Variants in CNTN3 observed in about 807,000 individuals in gnomAD.
CNTN3 encodes the protein contactin-3.
CNTN3 carries 60 observed loss-of-function variants against 119.1 expected under a neutral mutation model. That is an observed-to-expected ratio of 0.50 (90% CI 0.41 to 0.62). The LOEUF (loss-of-function observed/expected upper bound fraction) is 0.62, where lower values mean the gene tolerates loss of function less well. Among genes scored for constraint, CNTN3 ranks in the 20% least tolerant of loss-of-function variants. The probability of loss-of-function intolerance (pLI) is 0.00; values close to 1 mark genes in which losing one functional copy is unlikely to be tolerated. For synonymous variants in CNTN3, 450 were observed against 438.7 expected (o/e 1.03, Z -0.32); for missense variants, 1,101 against 1,242.4 (o/e 0.89, Z 1.71).
intron 11 of CNTN3, among the ~76,000 whole-genome samples, chr3:74,344,397 G>T (rs2634154): frequency 0.52 from 17,072 of 32,566 alleles, 4,924 homozygotes; most frequent in South Asian, 0.78. Context: ...TTACACAGTG[G>T]TTTTTTTTTT....
intron 5 of CNTN3, among the ~76,000 whole-genome samples, chr3:74,407,048 A>G (rs1210320532): frequency 6.6e-6 from 1 of 152,156 alleles, no homozygotes; most frequent in African/African-American, 2.4e-5. Context: ...GTATAGAATA[A>G]TGTGGCAGAA....
At chr3:74,502,706 CTTTT>C (rs1432609228) in intron 2 of CNTN3, among the ~76,000 whole-genome samples, 1 of 152,054 alleles carries the variant, frequency 6.6e-6, no homozygotes, top group African/African-American at 2.4e-5. Context: ...GTTCTGGTTT[CTTTT>C]TGTCATTCAG....
At chr3:74,418,944 C>A (rs542843494) in intron 5 of CNTN3, among the ~76,000 whole-genome samples, 95 of 151,506 alleles carry the variant, frequency 6.3e-4, no homozygotes, top group African/African-American at 2.2e-3. Context: ...GCACGCACCA[C>A]CATGCCTGGA....
chr3:74,314,602 A>C, intron 13 of CNTN3, among the ~76,000 whole-genome samples: 1 of 152,204 alleles, frequency 6.6e-6, no homozygotes. Context: ...AGGATGTAAC[A>C]ATTCTTTACG....
intron 5 of CNTN3, among the ~76,000 whole-genome samples, chr3:74,423,349 A>C (rs1466460927): frequency 6.6e-6 from 1 of 152,202 alleles, no homozygotes; most frequent in African/African-American, 2.4e-5. Context: ...AGAATTGCCC[A>C]GTGTTGGTCA....
At chr3:74,409,964 CT>C (rs1232175072) in intron 5 of CNTN3, among the ~76,000 whole-genome samples, 1 of 152,158 alleles carries the variant, frequency 6.6e-6, no homozygotes, top group Non-Finnish European at 1.5e-5. Context: ...TTCCAACATA[CT>C]TCACCAAGGA....
intron 1 of CNTN3, among the ~76,000 whole-genome samples, chr3:74,567,314 ATTTTTTTTTTTT>A (rs67671839): frequency 1.6e-4 from 13 of 82,750 alleles, no homozygotes; most frequent in Admixed American, 3.2e-4. Flanking sequence ...CAAATTTTTA[ATTTTTTTTTTTT>A]TTTTTTTTTT....
At chr3:74,459,804 C>T (rs1204719236) in intron 4 of CNTN3, among the ~76,000 whole-genome samples, 1 of 152,032 alleles carries the variant, frequency 6.6e-6, no homozygotes, top group Non-Finnish European at 1.5e-5. Flanking sequence ...CTTTAATTCA[C>T]TTTCATAAAC....
chr3:74,585,002 G>A (rs1704571562), intron 1 of CNTN3, among the ~76,000 whole-genome samples: 1 of 152,162 alleles, frequency 6.6e-6, no homozygotes, highest in Admixed American at 6.5e-5. Context: ...CCAAAGTCCA[G>A]AAAGAAGAAA....
At chr3:74,444,666 T>C (rs1337143920) in intron 4 of CNTN3, among the ~76,000 whole-genome samples, 1 of 152,176 alleles carries the variant, frequency 6.6e-6, no homozygotes, top group Non-Finnish European at 1.5e-5. Context: ...AAATGTGGGA[T>C]AGCTTTATTT....
chr3:74,608,448 T>C (rs1366399340), intron 1 of CNTN3, among the ~76,000 whole-genome samples: 3 of 152,210 alleles, frequency 2.0e-5, no homozygotes, highest in Non-Finnish European at 2.9e-5. Context: ...AAATAATGAA[T>C]TTTGAGAACT....
At chr3:74,505,524 C>CA (rs199530317) in intron 2 of CNTN3, among the ~76,000 whole-genome samples, 20 of 147,010 alleles carry the variant, frequency 1.4e-4, no homozygotes, top group African/African-American at 2.2e-4. Context: ...CACACACACA[C>CA]CACACATACA....
chr3:74,364,818 T>C (rs1704152787), intron 9 of CNTN3, among the ~76,000 whole-genome samples: 1 of 152,182 alleles, frequency 6.6e-6, no homozygotes, highest in Non-Finnish European at 1.5e-5. Flanking sequence ...AATCCAAAAG[T>C]ATATCATAAA....
intron 4 of CNTN3, among the ~76,000 whole-genome samples, chr3:74,451,369 T>C (rs1702151066): frequency 1.3e-5 from 2 of 152,286 alleles, no homozygotes; most frequent in South Asian, 2.1e-4. Flanking sequence ...TTGTTTGTTT[T>C]TTTCTTGTAA....
chr3:74,446,400 T>C (rs1435861687), intron 4 of CNTN3, among the ~76,000 whole-genome samples: 3 of 152,104 alleles, frequency 2.0e-5, no homozygotes, highest in Admixed American at 6.6e-5. Context: ...TAGCTTACAA[T>C]ATAATTCGTG....
chr3:74,511,518 T>C (rs1278437153), intron 2 of CNTN3, among the ~76,000 whole-genome samples: 2 of 151,776 alleles, frequency 1.3e-5, no homozygotes, highest in African/African-American at 4.8e-5. Context: ...AATAAATAAA[T>C]AAATTAGCCT....
At chr3:74,425,037 T>A in intron 4 of CNTN3, 97 bp from the exon 5 acceptor site, 1 of 796,556 alleles carries the variant, frequency 1.3e-6, no homozygotes. Flanking sequence ...ACAATTTTAG[T>A]TTTTGCTTTT....
In CNTN3 at chr3:74,354,496, G is replaced by A. The variant is rs558821076; in HGVS notation, c.1364+7394C>T. On this transcript the variant is annotated intron_variant, in intron 11 of 22. Transcript: ENST00000263665. ...TTTCAATGTTAGTTTCCTTAAAAGA[G>A]ACAAAACATACAGTTTTGATTTGTC... 2.6e-5 allele frequency among the ~76,000 whole-genome samples: 4 copies of A among 152,060 alleles called. No homozygotes were observed. The East Asian group carries it at 7.8e-4, about 29-fold the overall frequency.
At chr3:74,418,342 C>CT (rs56258495) in intron 5 of CNTN3, among the ~76,000 whole-genome samples, 1,004 of 99,652 alleles carry the variant, frequency 0.01, 37 homozygotes, top group African/African-American at 0.035. Flanking sequence ...AAACATATTC[C>CT]TTTTTTTTTT....
Sources: gnomAD v4.1 joint callset for allele counts (sites outside exome capture counted in the v4.1 genomes callset) on GRCh38, gnomAD v4.1.1 for gene constraint, MANE v1.5 for transcripts, NCBI Gene and HGNC (gene_info 2026-07-23, HGNC 2026-07-21) for gene names.